Variants in CHRNA2 observed in about 807,000 individuals in gnomAD.
CHRNA2 encodes cholinergic receptor nicotinic alpha 2 subunit, also known as neuronal acetylcholine receptor subunit alpha-2.
In CHRNA2, 40 loss-of-function variants were observed where a neutral mutation model predicts 45.5. That is an observed-to-expected ratio of 0.88 (90% confidence interval 0.68 to 1.15). The LOEUF is 1.15. Among genes scored for constraint, CHRNA2 ranks in the 50% most tolerant of loss-of-function variants. The probability of loss-of-function intolerance (pLI) is 0.00; values close to 1 mark genes in which losing one functional copy is unlikely to be tolerated. For missense variants in CHRNA2, 655 were observed against 701.7 expected (o/e 0.93, Z 0.75); for synonymous variants, 301 against 296.7 (o/e 1.01, Z -0.15).
At chr8:27,471,235 T>G in intron 1 of CHRNA2, 41 bp from the exon 2 acceptor site, 1 of 626,864 alleles carries the variant, frequency 1.6e-6, no homozygotes. Context: ...TCATGCATCC[T>G]TGACATAGGC....
intron 5 of CHRNA2, 80 bp downstream of exon 5, chr8:27,467,149 G>T: frequency 9.2e-7 from 1 of 1,085,222 alleles, no homozygotes; most frequent in Non-Finnish European, 1.4e-6. Flanking sequence ...TGACACCAGG[G>T]GGGCCCCTCC....
At chr8:27,477,626 C>T (rs2132685227) in intron 1 of CHRNA2, among the ~76,000 whole-genome samples, 1 of 152,086 alleles carries the variant, frequency 6.6e-6, no homozygotes, top group African/African-American at 2.4e-5. Flanking sequence ...TCACTGGAAA[C>T]CAAAGGAGGA....
intron 5 of CHRNA2, among the ~76,000 whole-genome samples, chr8:27,465,669 T>A (rs576862959): frequency 2.2e-4 from 34 of 152,276 alleles, no homozygotes; most frequent in African/African-American, 7.5e-4. Context: ...GACCTCCTGA[T>A]CCGCCGGCCT....
intron 2 of CHRNA2, 63 bp downstream of exon 2, chr8:27,470,923 C>T: frequency 6.4e-7 from 1 of 1,554,958 alleles, no homozygotes; most frequent in Non-Finnish European, 8.9e-7. Flanking sequence ...AGACTCCTTC[C>T]TACAATTTGT....
intron 5 of CHRNA2, among the ~76,000 whole-genome samples, chr8:27,465,348 C>T (rs1173847961): frequency 1.3e-5 from 2 of 152,086 alleles, no homozygotes; most frequent in African/African-American, 4.8e-5. Context: ...CTTTTTTCCC[C>T]CATGGAGTAG....
chr8:27,463,680 C>A lies in CHRNA2; in HGVS notation c.763G>T (p.Val255Phe), dbSNP rs201370407. Residue 255 changes from valine to phenylalanine, a missense_variant, in exon 6 of 7, where the codon GTC becomes TTC. Coordinates refer to ENST00000407991, the MANE Select transcript of CHRNA2 (RefSeq NM_000742.4). The surrounding 1 kb of genome is among the most constrained non-coding windows in gnomAD (Gnocchi z 6.1). ...CGCCGGATGACGAAGGCGTAGGTGA[C>A]GTCGGGGTAGATCTCGGCGCAGCAG... is the stretch of plus-strand genomic sequence containing the variant. ...YDCCAEIYPD[V>F]TYAFVIRRLP... is the part of the protein sequence containing the mutation. The A allele has an allele frequency of 6.2e-7, 1 of 1,614,016 alleles. No individual in the cohort carries two copies. The highest frequency in any genetic ancestry group is 1.1e-5 in the South Asian group (1 of 91,064).
chr8:27,461,924 G>T (rs370619269), intron 6 of CHRNA2, among the ~76,000 whole-genome samples, 170 bp from the exon 7 acceptor site: 2 of 152,144 alleles, frequency 1.3e-5, no homozygotes, highest in Non-Finnish European at 2.9e-5. Flanking sequence ...AGGGAGGGAC[G>T]GGCTGTTTCA....
In CHRNA2 at chr8:27,461,637, T is replaced by C; in HGVS notation, c.1582A>G (p.Met528Val). 6.2e-7 allele frequency: 1 copy of C among 1,614,198 alleles called. No individual in the cohort carries two copies. Among genetic ancestry groups the C allele is most frequent in the Non-Finnish European group, 8.5e-7 (1 of 1,180,026 alleles). The change falls in exon 7 of 7, where the codon ATG becomes GTG. Residue 528 changes from methionine (M) to valine (V), a missense_variant. Around this residue, in one of 3 missense-constraint regions of CHRNA2, gnomAD observed 295 missense variants for 280.4 expected, o/e 1.05. Transcript: ENST00000407991. ...GLFLPPFLAG[M>V]I ...GCTCGAGGGAGGTGCAGTCAGATCATTCCAGCTAGGAACGGAGGCAGAAAG... is the reference window on the plus strand; with the variant it reads ...GCTCGAGGGAGGTGCAGTCAGATCACTCCAGCTAGGAACGGAGGCAGAAAG...
chr8:27,474,568 C>T (rs1404790955), intron 1 of CHRNA2, among the ~76,000 whole-genome samples: 1 of 151,970 alleles, frequency 6.6e-6, no homozygotes, highest in Non-Finnish European at 1.5e-5. Context: ...GAATGAACTG[C>T]CCGAGAGAGC....
chr8:27,469,665 G>C, intron 3 of CHRNA2, 96 bp downstream of exon 3: 3 of 1,469,108 alleles, frequency 2.0e-6, no homozygotes, highest in South Asian at 2.3e-5. Context: ...ACTGCTGTGC[G>C]TGAGGGCAGG....
intron 5 of CHRNA2, among the ~76,000 whole-genome samples, chr8:27,464,478 A>G (rs1197909512): frequency 6.6e-6 from 1 of 152,108 alleles, no homozygotes; most frequent in African/African-American, 2.4e-5. Context: ...TAGCATTCAA[A>G]GCATCTCTTC....
chr8:27,474,523 G>A (rs1013569511), intron 1 of CHRNA2, among the ~76,000 whole-genome samples: 1 of 145,782 alleles, frequency 6.9e-6, no homozygotes, highest in African/African-American at 2.6e-5. Flanking sequence ...CCAGCTGGCA[G>A]GTGCAAAAGG....
chr8:27,469,721 G>C, intron 3 of CHRNA2, 40 bp downstream of exon 3: 1 of 1,609,118 alleles, frequency 6.2e-7, no homozygotes, highest in East Asian at 2.2e-5. Flanking sequence ...GGTGGTCTGG[G>C]ATCTCCTTCC....
At chr8:27,478,009 C>T (rs533451783) in intron 1 of CHRNA2, among the ~76,000 whole-genome samples, 1 of 152,216 alleles carries the variant, frequency 6.6e-6, no homozygotes, top group Admixed American at 6.5e-5. Context: ...CTTCCCTGTC[C>T]ATGGTTCTAC....
intron 1 of CHRNA2, among the ~76,000 whole-genome samples, chr8:27,473,085 A>G (rs534439249): frequency 6.6e-6 from 1 of 152,088 alleles, no homozygotes; most frequent in Non-Finnish European, 1.5e-5. Flanking sequence ...ATATATATAT[A>G]TCACTAAAAT....
At chr8:27,472,368 G>A (rs754415929) in intron 1 of CHRNA2, among the ~76,000 whole-genome samples, 13 of 152,174 alleles carry the variant, frequency 8.5e-5, no homozygotes, top group Non-Finnish European at 1.3e-4. Context: ...AGCCCTCGAC[G>A]TGTGGGATCT....
In CHRNA2 at chr8:27,463,132, G is replaced by A; in HGVS notation, c.1311C>T (p.Cys437=). The change falls in exon 6 of 7, where the codon TGC becomes TGT. Residue 437 remains cysteine, a synonymous_variant. Transcript: ENST00000407991. This position sits in a 1 kb window ranked among gnomAD's most constrained non-coding sequence, Gnocchi z 6.1. ...GHVAPSVGTL[C]SHGHLHSGAS... is the part of the protein sequence containing the mutation. ...CCCCAGAGTGCAGGTGGCCGTGGCT[G>A]CAGAGGGTGCCCACAGAGGGGGCCA... 6.2e-7 allele frequency: 1 copy of A among 1,606,012 alleles called. No homozygotes were observed. The highest frequency in any genetic ancestry group is 8.5e-7 in the Non-Finnish European group (1 of 1,173,406).
rs775537123 is a variant in CHRNA2, at chr8:27,463,551, T to C, written c.892A>G (p.Thr298Ala). 2 of 1,614,172 alleles carry C rather than the reference T, an allele frequency of 1.2e-6. No individual in the cohort carries two copies. Among genetic ancestry groups the C allele is most frequent in the African/African-American group, 2.7e-5 (2 of 75,046 alleles). ...GACAGCAGCACCGAAATGCACAGCG[T>C]GATCTTCTCGCCGCAGTCGGAGGGC... The part of the protein sequence containing the change: ...YLPSDCGEKI[T>A]LCISVLLSLT... Residue 298 changes from threonine (T) to alanine (A), a missense_variant, in exon 6 of 7, where the codon ACG becomes GCG. Physicochemically the swap from Thr to Ala is moderately conservative, Grantham distance 58. Around this residue, in one of 3 missense-constraint regions of CHRNA2, gnomAD observed 37 missense variants for 66.8 expected, o/e 0.55. Transcript: ENST00000407991. The surrounding 1 kb of genome is among the most constrained non-coding windows in gnomAD (Gnocchi z 6.1).
chr8:27,473,032 G>A (rs1413980256), intron 1 of CHRNA2, among the ~76,000 whole-genome samples: 3 of 151,914 alleles, frequency 2.0e-5, no homozygotes, highest in Non-Finnish European at 4.4e-5. Flanking sequence ...GGGAAAAGCA[G>A]TATTTTAAAA....
Sources: gnomAD v4.1 joint callset for allele counts (sites outside exome capture counted in the v4.1 genomes callset) on GRCh38, gnomAD v4.1.1 for gene constraint, gnomAD v4.1.1 regional missense constraint, Gnocchi (gnomAD v3.1) non-coding constraint, MANE v1.5 for transcripts, NCBI Gene and HGNC (gene_info 2026-07-23, HGNC 2026-07-21) for gene names.